VPS53: variants seen among roughly 807,000 people sequenced by gnomAD.
VPS53 encodes the protein VPS53 subunit of GARP complex.
VPS53 carries 70 observed loss-of-function variants against 107.0 expected under a neutral mutation model. The ratio of observed to expected loss-of-function variants is 0.65; its 90% confidence interval spans 0.54 to 0.80. The LOEUF (loss-of-function observed/expected upper bound fraction) is 0.80, where lower values mean the gene tolerates loss of function less well. Among genes scored for constraint, VPS53 ranks in the 30% least tolerant of loss-of-function variants. The pLI, the probability that VPS53 is intolerant of heterozygous loss-of-function variation, is 0.00. For missense variants in VPS53, 917 were observed against 1,049.4 expected, an observed-to-expected ratio of 0.87 and a Z score of 1.74; for synonymous variants, 409 against 393.3, an observed-to-expected ratio of 1.04 and a Z score of -0.47.
In VPS53 at chr17:623,695, A is replaced by G. The variant is rs763926138; in HGVS notation, c.975-21T>C. The G allele has an allele frequency of 5.6e-6, 9 of 1,597,594 alleles. No individual in the cohort carries two copies. In the Admixed American group the frequency reaches 1.5e-4, roughly 27 times the overall value. On this transcript the variant is annotated intron_variant, in intron 10 of 21. Transcript: ENST00000437048. ...CTGCCCTTCAAAACAAAGAGATAAG[A>G]ATACTATCAAACAAGCTGATCATTC...
At chr17:698,721 AAGAAAAAAAAAATCTATC>A (rs1973080145) in intron 3 of VPS53, among the ~76,000 whole-genome samples, 1 of 152,016 alleles carries the variant, frequency 6.6e-6, no homozygotes, top group East Asian at 1.9e-4. Flanking sequence ...AACAGAAAAA[AAGAAAAAAAAAATCTATC>A]AGAAAAGCTT....
At position 662,827 on chromosome 17, in the gene VPS53, G is replaced by GAA. The variant is rs1567719963; in HGVS notation, c.286-933_286-932insTT. On this transcript the variant is annotated intron_variant, in intron 4 of 21. Coordinates refer to ENST00000437048, the MANE Select transcript of VPS53 (RefSeq NM_001128159.3). ...AAAGAAAAAAAGAAAGAAAGAGAAAGAGAAAGAAAGGAAGGAAGGAAGGAA... is the reference window on the plus strand; with the variant it reads ...AAAGAAAAAAAGAAAGAAAGAGAAAGAAAGAAAGAAAGGAAGGAAGGAAGGAA... 8.9e-5 allele frequency among the ~76,000 whole-genome samples: 12 copies of GAA among 134,654 alleles called. No homozygotes were observed. In the East Asian group the frequency reaches 1.6e-3, roughly 18 times the overall value. 88.3% of individuals were successfully genotyped at this position (134,654 alleles called of 152,430 possible).
chr17:690,985 G>A (rs1022083799), intron 4 of VPS53, among the ~76,000 whole-genome samples: 2 of 152,092 alleles, frequency 1.3e-5, no homozygotes, highest in African/African-American at 2.4e-5. Flanking sequence ...TAATGAGCTC[G>A]GCCCAGAACA....
At chr17:713,697 T>G (rs961663305) in intron 1 of VPS53, among the ~76,000 whole-genome samples, 8 of 151,308 alleles carry the variant, frequency 5.3e-5, no homozygotes, top group African/African-American at 1.9e-4. Context: ...AATCACTATT[T>G]CTAATATCAT....
At chr17:528,194 T>C (rs1169180619) in intron 19 of VPS53, among the ~76,000 whole-genome samples, 2 of 152,210 alleles carry the variant, frequency 1.3e-5, no homozygotes, top group Non-Finnish European at 1.5e-5. Flanking sequence ...GTCAGCATTA[T>C]CTGGTTTCAG....
intron 13 of VPS53, among the ~76,000 whole-genome samples, chr17:569,300 C>T (rs904351673): frequency 6.6e-6 from 1 of 152,134 alleles, no homozygotes. Flanking sequence ...AGTTCAAACA[C>T]GGTGTGCAGG....
intron 19 of VPS53, chr17:532,303 C>G (rs971644593): frequency 1.3e-5 from 2 of 150,758 alleles, no homozygotes; most frequent in African/African-American, 4.9e-5. Flanking sequence ...GAGATGGAGT[C>G]TCACTTTGTC....
chr17:519,366 G>C lies in VPS53; in HGVS notation c.2329-68C>G. The C allele has an allele frequency of 7.1e-7, 1 of 1,405,970 alleles. No individual in the cohort carries two copies. The highest frequency in any genetic ancestry group is 1.6e-5 in the South Asian group (1 of 64,422). 87.1% of individuals were successfully genotyped at this position (1,405,970 alleles called of 1,614,324 possible). A position where few individuals can be genotyped will look rare whatever the true frequency, so the allele number is the denominator to read the frequency against. ...AGAATGGCCCACGGGGGACAGCGCA[G>C]TATCTGGATATGGGGTCAGCAGAGG... On this transcript the variant is annotated intron_variant, in intron 21 of 21. Coordinates refer to ENST00000437048, the MANE Select transcript of VPS53 (RefSeq NM_001128159.3). This position sits in a 1 kb window ranked among gnomAD's most constrained non-coding sequence, Gnocchi z 5.0.
At position 548,572 on chromosome 17, in the gene VPS53, C is replaced by A. The variant is rs8076663; in HGVS notation, c.1866+3300G>T. On this transcript the variant is annotated intron_variant, in intron 17 of 21. Transcript: ENST00000437048. ...ACTCCACTTTGGCCAGCCAACAGTC[C>A]TTCTGGAAATATCCAACGACTACAC... 5.7e-4 allele frequency among the ~76,000 whole-genome samples: 50 copies of A among 88,444 alleles called. 2 individuals are homozygous for A. Among genetic ancestry groups the A allele is most frequent in the South Asian group, 3.4e-3 (10 of 2,902 alleles). The allele number at this position is 88,444 out of a possible 152,430, so 58.0% of individuals were successfully genotyped here. A position where few individuals can be genotyped will look rare whatever the true frequency, so the allele number is the denominator to read the frequency against.
chr17:627,086 CCACA>C, intron 10 of VPS53, 84 bp downstream of exon 10: 1 of 1,496,030 alleles, frequency 6.7e-7, no homozygotes, highest in Non-Finnish European at 8.9e-7. Flanking sequence ...GGCATCAAAT[CCACA>C]GGACAACATG....
At chr17:654,748 A>AAAAAAAG (rs1971113008) in intron 6 of VPS53, among the ~76,000 whole-genome samples, 1 of 148,532 alleles carries the variant, frequency 6.7e-6, no homozygotes, top group African/African-American at 2.5e-5. Context: ...AAAAAAAAAA[A>AAAAAAAG]AAAAAAGAAA....
intron 16 of VPS53, 97 bp downstream of exon 16, chr17:553,283 A>C: frequency 9.1e-7 from 1 of 1,099,304 alleles, no homozygotes; most frequent in Non-Finnish European, 1.4e-6. Flanking sequence ...GAGAAAGGGC[A>C]GGCAGCGAGC....
rs1219196134 is a variant in VPS53, at chr17:654,857, T to C, written c.488+981A>G. On this transcript the variant is annotated intron_variant, in intron 6 of 21. Coordinates refer to ENST00000437048, the MANE Select transcript of VPS53 (RefSeq NM_001128159.3). Reference sequence around the variant, plus strand: ...TCTTACCACCGCCCAGTCTTACCACTGCCTGGTCTGATGGTTTGGTGGACA... The same window carrying C: ...TCTTACCACCGCCCAGTCTTACCACCGCCTGGTCTGATGGTTTGGTGGACA... Among the ~76,000 whole-genome samples, 3 of 152,064 alleles carry C rather than the reference T, an allele frequency of 2.0e-5. No homozygotes were observed. In the East Asian group the frequency reaches 5.8e-4, roughly 29 times the overall value.
At position 638,952 on chromosome 17, in the gene VPS53, G is replaced by C. The variant is rs564435865; in HGVS notation, c.609-7324C>G. Among the ~76,000 whole-genome samples, 10 of 152,246 alleles carry C rather than the reference G, an allele frequency of 6.6e-5. No homozygotes were observed. In the South Asian group the frequency reaches 2.1e-3, roughly 32 times the overall value. On this transcript the variant is annotated intron_variant, in intron 7 of 21. Transcript: ENST00000437048. ...GGTGTTCTCTGTATTTCCTGAATTT[G>C]AATGTTGGCCTGCCTTGCTAGGTTG... is the stretch of plus-strand genomic sequence containing the variant.
intron 11 of VPS53, among the ~76,000 whole-genome samples, chr17:620,592 T>G (rs1440947860): frequency 6.6e-6 from 1 of 152,160 alleles, no homozygotes; most frequent in African/African-American, 2.4e-5. Context: ...AGTGACTGAC[T>G]GCAGGTAAAC....
At chr17:536,088 T>C (rs558501104) in intron 18 of VPS53, among the ~76,000 whole-genome samples, 1 of 152,000 alleles carries the variant, frequency 6.6e-6, no homozygotes, top group Non-Finnish European at 1.5e-5. Flanking sequence ...TCACGGAAAA[T>C]GGTGCTAAGC....
intron 13 of VPS53, among the ~76,000 whole-genome samples, chr17:580,944 C>A (rs1371232418): frequency 6.6e-6 from 1 of 151,526 alleles, no homozygotes; most frequent in Admixed American, 6.6e-5. Context: ...CTAATGGGTA[C>A]CCAGAGAACC....
At position 572,400 on chromosome 17, in the gene VPS53, C is replaced by T. The variant is rs558726336; in HGVS notation, c.1314-9655G>A. Among the ~76,000 whole-genome samples, 45 of 146,862 alleles carry T rather than the reference C, an allele frequency of 3.1e-4. 1 individual carries two copies. In the South Asian group the frequency reaches 5.0e-3, roughly 16 times the overall value. On this transcript the variant is annotated intron_variant, in intron 13 of 21. Transcript: ENST00000437048. ...GTCTCCGCCGGGCAGCCACCCCGTCCGGGAGGGAGGTGGGGGGGTCAGCCC... is the reference window on the plus strand; with the variant it reads ...GTCTCCGCCGGGCAGCCACCCCGTCTGGGAGGGAGGTGGGGGGGTCAGCCC...
chr17:530,446 C>T (rs934690348), intron 19 of VPS53, among the ~76,000 whole-genome samples: 2 of 152,146 alleles, frequency 1.3e-5, no homozygotes, highest in African/African-American at 4.8e-5. Context: ...AGCCACTGCA[C>T]CCGGCCTGCT....
Sources: gnomAD v4.1 joint callset for allele counts (sites outside exome capture counted in the v4.1 genomes callset) on GRCh38, gnomAD v4.1.1 for gene constraint, Gnocchi (gnomAD v3.1) non-coding constraint, MANE v1.5 for transcripts, NCBI Gene and HGNC (gene_info 2026-07-23, HGNC 2026-07-21) for gene names.